The following FRMD5 variants were observed in gnomAD, a reference collection of about 807,000 sequenced individuals.
FRMD5 encodes the protein FERM domain-containing protein 5.
Under a neutral mutation model 69.0 loss-of-function variants are expected in FRMD5, and 20 were observed. That is an observed-to-expected ratio of 0.29 (90% confidence interval 0.20 to 0.42). FRMD5 has a LOEUF of 0.42. Ranked by LOEUF, FRMD5 falls within the 10% of genes least tolerant of loss-of-function variation. FRMD5 has a pLI of 1.00. For missense variants in FRMD5, 595 were observed against 708.6 expected, an observed-to-expected ratio of 0.84 and a Z score of 1.82; for synonymous variants, 271 against 260.1, an observed-to-expected ratio of 1.04 and a Z score of -0.40.
chr15:43,989,076 G>A, intron 1 of FRMD5: 1 of 916,268 alleles, frequency 1.1e-6, no homozygotes, highest in Admixed American at 1.7e-5. Context: ...AGCATCTGCG[G>A]TGGATGATGG....
intron 1 of FRMD5, among the ~76,000 whole-genome samples, chr15:44,163,502 T>C (rs2077657830): frequency 6.6e-6 from 1 of 152,230 alleles, no homozygotes; most frequent in Non-Finnish European, 1.5e-5. Context: ...ATTCATTACA[T>C]TGTTTTGATA....
chr15:43,883,397 G>A (rs1431035509), intron 13 of FRMD5, among the ~76,000 whole-genome samples: 1 of 152,076 alleles, frequency 6.6e-6, no homozygotes, highest in South Asian at 2.1e-4. Context: ...CGCACAGGGC[G>A]TGAAAATCCT....
rs2088633302 is a variant in FRMD5, at chr15:43,885,169, A to G, written c.960-374T>C. ...CTATTGTAAGGGAAAGAGAAGATAC[A>G]TATTTATTTTTCATTTTCTTGGAGA... On this transcript the variant is annotated intron_variant, in intron 11 of 13. Transcript: ENST00000417257. 8 of 210,208 alleles carry G rather than the reference A, an allele frequency of 3.8e-5. No homozygotes were observed. In the South Asian group the frequency reaches 8.7e-4, roughly 23 times the overall value. 13.0% of individuals were successfully genotyped at this position (210,208 alleles called of 1,614,324 possible).
At chr15:44,126,526 C>A (rs543638137) in intron 1 of FRMD5, among the ~76,000 whole-genome samples, 1 of 152,220 alleles carries the variant, frequency 6.6e-6, no homozygotes, top group Non-Finnish European at 1.5e-5. Context: ...AGTTTCTCTT[C>A]CATCCACAAT....
rs1455611046 is a variant in FRMD5, at chr15:44,137,671, TATG to T, written c.102+57279_102+57281del. 3.9e-5 allele frequency among the ~76,000 whole-genome samples: 6 copies of T among 152,220 alleles called. No homozygotes were observed. In the East Asian group the frequency reaches 9.7e-4, roughly 25 times the overall value. On this transcript the variant is annotated intron_variant, in intron 1 of 13. Transcript: ENST00000417257. ...TATCCATCAAAATGACAATAAATTA[TATG>T]ATTATATGATAGTAATTATTTAGAA...
chr15:44,066,760 C>T (rs747827307), intron 1 of FRMD5, among the ~76,000 whole-genome samples: 5 of 152,014 alleles, frequency 3.3e-5, no homozygotes, highest in Non-Finnish European at 7.4e-5. Flanking sequence ...CAAGGGGAGA[C>T]TTTGGAGTTG....
At chr15:44,149,951 A>G (rs1434892345) in intron 1 of FRMD5, among the ~76,000 whole-genome samples, 1 of 152,214 alleles carries the variant, frequency 6.6e-6, no homozygotes, top group Non-Finnish European at 1.5e-5. Flanking sequence ...TAGCAAAAGG[A>G]TTATACAACA....
At chr15:44,028,131 T>C (rs1165075252) in intron 1 of FRMD5, among the ~76,000 whole-genome samples, 1 of 152,146 alleles carries the variant, frequency 6.6e-6, no homozygotes, top group Non-Finnish European at 1.5e-5. Context: ...AAAAATATAA[T>C]CTATGACATG....
chr15:43,903,591 A>C (rs16944774), intron 6 of FRMD5, among the ~76,000 whole-genome samples: 17,388 of 152,260 alleles, frequency 0.11, 1,534 homozygotes, highest in African/African-American at 0.23. Flanking sequence ...GCTGTGAATA[A>C]AGACTTCTGC....
chr15:44,145,692 T>G (rs2077345106), intron 1 of FRMD5, among the ~76,000 whole-genome samples: 1 of 152,176 alleles, frequency 6.6e-6, no homozygotes, highest in Non-Finnish European at 1.5e-5. Flanking sequence ...CAGTTACAAT[T>G]CTGATTACAC....
chr15:44,040,570 TC>T (rs1369838901), intron 1 of FRMD5, among the ~76,000 whole-genome samples: 2 of 152,142 alleles, frequency 1.3e-5, no homozygotes, highest in Admixed American at 6.5e-5. Flanking sequence ...AAATTAAGCT[TC>T]ATAAGCAAAG....
At chr15:43,991,899 C>T (rs1889700653) in intron 1 of FRMD5, among the ~76,000 whole-genome samples, 3 of 152,162 alleles carry the variant, frequency 2.0e-5, no homozygotes, top group Admixed American at 2.0e-4. Context: ...CATCCTTTTA[C>T]TAATTAGTAG....
chr15:43,910,235 T>G (rs1458414769), intron 4 of FRMD5, among the ~76,000 whole-genome samples: 1 of 152,192 alleles, frequency 6.6e-6, no homozygotes, highest in Non-Finnish European at 1.5e-5. Context: ...AATGGCTGTT[T>G]CCTGGTAAAA....
At chr15:43,915,145 G>A (rs907754351) in intron 4 of FRMD5, among the ~76,000 whole-genome samples, 11 of 152,174 alleles carry the variant, frequency 7.2e-5, no homozygotes, top group Admixed American at 3.3e-4. Context: ...CCAGCTCTCT[G>A]ATTTCTTAGC....
chr15:43,930,333 C>T (rs1462468888), intron 1 of FRMD5, among the ~76,000 whole-genome samples: 2 of 152,232 alleles, frequency 1.3e-5, no homozygotes, highest in African/African-American at 4.8e-5. Context: ...GCAAGCAATA[C>T]TCTCTTGAGT....
chr15:43,939,987 G>A (rs1195144038), intron 1 of FRMD5, among the ~76,000 whole-genome samples: 2 of 152,144 alleles, frequency 1.3e-5, no homozygotes, highest in African/African-American at 4.8e-5. Flanking sequence ...GACCAGCCTG[G>A]CCAACAGGGT....
chr15:44,090,565 G>A (rs537875753), intron 1 of FRMD5, among the ~76,000 whole-genome samples: 1 of 151,386 alleles, frequency 6.6e-6, no homozygotes, highest in East Asian at 1.9e-4. Context: ...TCAGCCTTTC[G>A]AGTAGCTGGG....
chr15:44,059,380 A>C (rs551399743), intron 1 of FRMD5, among the ~76,000 whole-genome samples: 15 of 152,256 alleles, frequency 9.9e-5, no homozygotes, highest in Non-Finnish European at 2.2e-4. Context: ...AAGCCTTCAT[A>C]GAAGAACTAG....
chr15:44,110,832 T>C (rs1438795872), intron 1 of FRMD5, among the ~76,000 whole-genome samples: 2 of 152,214 alleles, frequency 1.3e-5, no homozygotes, highest in Admixed American at 6.5e-5. Context: ...ATGAAGATAA[T>C]AGTGTGAGAA....
Sources: gnomAD v4.1 joint callset for allele counts (sites outside exome capture counted in the v4.1 genomes callset) on GRCh38, gnomAD v4.1.1 for gene constraint, MANE v1.5 for transcripts, NCBI Gene and HGNC (gene_info 2026-07-23, HGNC 2026-07-21) for gene names.